Variants in SULF1 observed in about 807,000 individuals in gnomAD.
SULF1 encodes the protein extracellular sulfatase Sulf-1.
SULF1 carries 46 observed loss-of-function variants against 110.5 expected under a neutral mutation model. That is an observed-to-expected ratio of 0.42 (90% CI 0.33 to 0.53). The LOEUF (loss-of-function observed/expected upper bound fraction) is 0.53, where lower values mean the gene tolerates loss of function less well. SULF1 is among the 20% of genes least tolerant of loss of function. The pLI is 0.12. For synonymous variants in SULF1, 371 were observed against 387.1 expected (o/e 0.96, Z 0.49); for missense variants, 941 against 1,094.2 (o/e 0.86, Z 1.98).
At chr8:69,536,732 C>A (rs531300249) in intron 3 of SULF1, among the ~76,000 whole-genome samples, 1 of 152,290 alleles carries the variant, frequency 6.6e-6, no homozygotes, top group African/African-American at 2.4e-5. Context: ...CTAATTTCTA[C>A]TCACTTAGAG....
intron 13 of SULF1, among the ~76,000 whole-genome samples, chr8:69,612,287 A>T (rs959914539): frequency 2.0e-5 from 3 of 152,028 alleles, no homozygotes; most frequent in African/African-American, 7.2e-5. Context: ...TATTTTTGTA[A>T]TTGCTAATTG....
At chr8:69,492,780 T>C (rs1810014029), upstream of SULF1, 1 of 152,342 alleles carries the variant, frequency 6.6e-6, no homozygotes, top group African/African-American at 2.4e-5. Context: ...CAGCGTTGGT[T>C]CTATGGGGGT....
intron 13 of SULF1, among the ~76,000 whole-genome samples, chr8:69,614,087 G>A (rs1808884938): frequency 1.3e-5 from 2 of 152,034 alleles, no homozygotes; most frequent in Non-Finnish European, 2.9e-5. Flanking sequence ...ATGTGTGGGT[G>A]TATGTATGTA....
At chr8:69,623,825 C>T in intron 14 of SULF1, 117 bp from the exon 15 acceptor site, 1 of 1,225,096 alleles carries the variant, frequency 8.2e-7, no homozygotes, top group South Asian at 1.6e-5. Flanking sequence ...TGCCACTCAG[C>T]AATGCAGCAT....
intron 1 of SULF1, among the ~76,000 whole-genome samples, chr8:69,482,320 A>G (rs1809546783): frequency 6.6e-6 from 1 of 152,222 alleles, no homozygotes; most frequent in African/African-American, 2.4e-5. Flanking sequence ...TTTATGAAAT[A>G]TACAACCTTT....
chr8:69,532,388 T>TA (rs1813148546), intron 3 of SULF1, among the ~76,000 whole-genome samples: 1 of 151,984 alleles, frequency 6.6e-6, no homozygotes, highest in South Asian at 2.1e-4. Context: ...CTTTTTTTTT[T>TA]AAAGGAACTG....
chr8:69,531,164 C>T (rs1813056350), intron 3 of SULF1, among the ~76,000 whole-genome samples: 1 of 152,214 alleles, frequency 6.6e-6, no homozygotes, highest in Admixed American at 6.5e-5. Flanking sequence ...CCACTCTGAA[C>T]TGACTTCTCA....
chr8:69,501,720 C>T (rs1009196193), intron 2 of SULF1, among the ~76,000 whole-genome samples, 154 bp from the exon 3 acceptor site: 4 of 152,108 alleles, frequency 2.6e-5, no homozygotes, highest in Non-Finnish European at 4.4e-5. Context: ...AAGACTCTTG[C>T]GAGTGATTGT....
intron 6 of SULF1, among the ~76,000 whole-genome samples, chr8:69,581,914 G>A (rs1806096333): frequency 6.6e-6 from 1 of 152,168 alleles, no homozygotes; most frequent in Admixed American, 6.5e-5. Flanking sequence ...AGTGTGATGG[G>A]TGAGCGCACA....
At chr8:69,542,762 G>C (rs1251730884) in intron 3 of SULF1, among the ~76,000 whole-genome samples, 2 of 152,200 alleles carry the variant, frequency 1.3e-5, no homozygotes, top group African/African-American at 2.4e-5. Flanking sequence ...TGAGCAGAAT[G>C]TAAGTGTGGG....
At chr8:69,558,278 G>T (rs76082428) in intron 3 of SULF1, among the ~76,000 whole-genome samples, 190 of 152,234 alleles carry the variant, frequency 1.2e-3, no homozygotes, top group Non-Finnish European at 2.4e-3. Context: ...ATTCTACTTC[G>T]CTTGCCTCTG....
chr8:69,621,138 C>T lies in SULF1; in HGVS notation c.1481C>T (p.Ala494Val), dbSNP rs112120588. The T allele has an allele frequency of 1.7e-4, 271 of 1,614,154 alleles. No homozygotes were observed. In the African/African-American group the frequency reaches 2.6e-3, roughly 16 times the overall value. Residue 494 changes from alanine (A) to valine (V), a missense_variant, in exon 14 of 23, where the codon GCT becomes GTT. This residue lies in a region of SULF1 where 822 missense variants were observed against 934.3 expected (regional missense o/e 0.88). Transcript: ENST00000402687. ...TVRQSTRNLY[A>V]RGFHDKDKEC... ...CGGCAGAGCACGCGGAACCTCTACG[C>T]TCGCGGCTTCCATGACAAAGACAAA...
chr8:69,536,120 G>A (rs1425984573), intron 3 of SULF1, among the ~76,000 whole-genome samples: 1 of 152,108 alleles, frequency 6.6e-6, no homozygotes, highest in East Asian at 1.9e-4. Flanking sequence ...AATTTAATTT[G>A]ATCATGTACT....
At position 69,625,744 on chromosome 8, in the gene SULF1, T is replaced by C. The variant is rs193172029; in HGVS notation, c.1851-1466T>C. On this transcript the variant is annotated intron_variant, in intron 15 of 22. Transcript: ENST00000402687. ...AAAGAGTGAGCAGTAGCAAGATTTA[T>C]TGCAAAGAGCGAAAGAACGGAGCTT... Among the ~76,000 whole-genome samples the C allele has an allele frequency of 6.3e-3, 962 of 152,276 alleles. 10 individuals carry two copies. The highest frequency in any genetic ancestry group is 0.022 in the African/African-American group (920 of 41,538).
At chr8:69,497,155 C>CTTTTTTTTT (rs5892193) in intron 2 of SULF1, among the ~76,000 whole-genome samples, 1 of 121,710 alleles carries the variant, frequency 8.2e-6, no homozygotes, top group Non-Finnish European at 1.7e-5. Flanking sequence ...GTTCTTTTCT[C>CTTTTTTTTT]TTTTTTTTTT....
intron 6 of SULF1, among the ~76,000 whole-genome samples, chr8:69,578,133 C>T (rs967936200): frequency 3.3e-5 from 5 of 152,232 alleles, no homozygotes; most frequent in East Asian, 1.9e-4. Flanking sequence ...ACCCAGTCAC[C>T]GGGATAAAAA....
chr8:69,569,171 T>G (rs1215849577), intron 5 of SULF1, among the ~76,000 whole-genome samples: 1 of 152,126 alleles, frequency 6.6e-6, no homozygotes, highest in Admixed American at 6.6e-5. Flanking sequence ...AACATCTCAG[T>G]AACATTGACC....
chr8:69,483,965 A>T (rs1397593286), intron 1 of SULF1, among the ~76,000 whole-genome samples: 2 of 152,216 alleles, frequency 1.3e-5, no homozygotes, highest in Non-Finnish European at 2.9e-5. Context: ...TTTATGCAAC[A>T]TCTCTATGAC....
intron 1 of SULF1, among the ~76,000 whole-genome samples, chr8:69,474,636 C>T (rs1486821136): frequency 2.6e-5 from 4 of 152,090 alleles, no homozygotes; most frequent in Non-Finnish European, 5.9e-5. Context: ...AAGCATAGGA[C>T]ATGTAATATT....
Sources: allele counts gnomAD v4.1 joint callset (sites outside exome capture counted in the v4.1 genomes callset), GRCh38; gene constraint gnomAD v4.1.1; regional missense constraint gnomAD v4.1.1; transcripts MANE v1.5; gene names NCBI Gene and HGNC (gene_info 2026-07-23, HGNC 2026-07-21).